The following RYR2 variants were observed in gnomAD, a reference collection of about 807,000 sequenced individuals.
RYR2 encodes cardiac muscle ryanodine receptor-calcium release channel.
In RYR2, 227 loss-of-function variants were observed where a neutral mutation model predicts 601.1. The observed-to-expected ratio is 0.38, with a 90% confidence interval of 0.34 to 0.42. The LOEUF (loss-of-function observed/expected upper bound fraction) is 0.42. RYR2 is among the 10% of genes least tolerant of loss of function. The pLI is 1.00. For missense variants in RYR2, 4,646 were observed against 6,156.5 expected, an observed-to-expected ratio of 0.75 and a Z score of 8.21; for synonymous variants, 2,223 against 2,175.1, an observed-to-expected ratio of 1.02 and a Z score of -0.61.
At chr1:237,299,994 C>T (rs1693193278) in intron 2 of RYR2, among the ~76,000 whole-genome samples, 1 of 152,188 alleles carries the variant, frequency 6.6e-6, no homozygotes, top group Non-Finnish European at 1.5e-5. Context: ...ATTCATGAAT[C>T]TCATGTGACA....
intron 24 of RYR2, among the ~76,000 whole-genome samples, chr1:237,530,037 C>T (rs1450717208): frequency 2.0e-5 from 3 of 152,040 alleles, no homozygotes; most frequent in East Asian, 3.9e-4. Context: ...TCTGACTGGG[C>T]GCGGTGGCTC....
Position 237,674,022 on chromosome 1 carries a change from A to C in RYR2, c.8591-74A>C. On this transcript the variant is annotated intron_variant, in intron 58 of 104. Transcript: ENST00000366574. ...TATGGAAAGTTTTATAGTGTGGTCC[A>C]ATTATATATCTGTGTCTCATCTCAG... The C allele has an allele frequency of 6.5e-6, 8 of 1,225,098 alleles. No homozygotes were observed. The South Asian group carries it at 9.6e-5, about 15-fold the overall frequency. The allele number at this position is 1,225,098 out of a possible 1,614,324, so 75.9% of individuals were successfully genotyped here.
intron 17 of RYR2, among the ~76,000 whole-genome samples, chr1:237,480,208 C>T (rs1661880860): frequency 6.6e-6 from 1 of 151,760 alleles, no homozygotes; most frequent in South Asian, 2.1e-4. Flanking sequence ...CAGTTGGGGT[C>T]AGGAGTTTGA....
At chr1:237,270,221 C>T in intron 1 of RYR2, 2 of 554,302 alleles carry the variant, frequency 3.6e-6, no homozygotes, top group East Asian at 3.9e-5. Context: ...GTTCAGGTTG[C>T]CTCTGGGGAT....
At chr1:237,269,598 C>G (rs891580391) in intron 1 of RYR2, among the ~76,000 whole-genome samples, 2 of 152,180 alleles carry the variant, frequency 1.3e-5, no homozygotes, top group East Asian at 3.9e-4. Flanking sequence ...TTTTTAGGCC[C>G]TTGCCACGTA....
rs185019553 is a variant in RYR2 at position 237,056,324 on chromosome 1, C to T, written c.48+13755C>T. On this transcript the variant is annotated intron_variant, in intron 1 of 104. Coordinates refer to ENST00000366574, the MANE Select transcript of RYR2 (RefSeq NM_001035.3). ...CACTGCACCTGTGAGGACTGGAGCACTGCACCTATGAGGACTGGAGCCCTG... is the reference window on the plus strand; with the variant it reads ...CACTGCACCTGTGAGGACTGGAGCATTGCACCTATGAGGACTGGAGCCCTG... Among the ~76,000 whole-genome samples the T allele has an allele frequency of 2.1e-3, 297 of 144,598 alleles. 2 individuals are homozygous for T. The highest frequency in any genetic ancestry group is 0.017 in the South Asian group (73 of 4,412). The allele number at this position is 144,598 out of a possible 152,430, so 94.9% of individuals were successfully genotyped here. A position where few individuals can be genotyped will look rare whatever the true frequency, so the allele number is the denominator to read the frequency against.
rs1262027939 is a variant in RYR2 at position 237,795,369 on chromosome 1, C to T, written c.13956+38C>T. On this transcript the variant is annotated intron_variant, in intron 96 of 104. Transcript: ENST00000366574. The stretch of plus-strand genomic sequence containing the variant: ...GGAATCCTCTACATTTTTCTTAAAG[C>T]ACAGTTTAGATTTTTATTTGATGTG... 5.6e-6 allele frequency: 6 copies of T among 1,076,414 alleles called. No individual in the cohort carries two copies. In the East Asian group the frequency reaches 1.1e-4, roughly 20 times the overall value. 66.7% of individuals were successfully genotyped at this position (1,076,414 alleles called of 1,614,324 possible). A position where few individuals can be genotyped will look rare whatever the true frequency, so the allele number is the denominator to read the frequency against.
At chr1:237,571,456 A>T (rs1672689281) in intron 29 of RYR2, among the ~76,000 whole-genome samples, 1 of 151,914 alleles carries the variant, frequency 6.6e-6, no homozygotes. Context: ...CTGGGATTAC[A>T]GGGGTGTGCC....
chr1:237,722,846 C>A lies in RYR2; in HGVS notation c.10555-282C>A, dbSNP rs2090876. On this transcript the variant is annotated intron_variant, in intron 73 of 104. Coordinates refer to ENST00000366574, the MANE Select transcript of RYR2 (RefSeq NM_001035.3). ...GTCAGACAAATTAGCATATCTATCT[C>A]CTCGCATAGTTACCTTTTGCCTGTA... 0.2 allele frequency among the ~76,000 whole-genome samples: 31,097 copies of A among 152,010 alleles called. 3,968 individuals are homozygous for A. The highest frequency in any genetic ancestry group is 0.65 in the East Asian group (3,362 of 5,148).
intron 100 of RYR2, among the ~76,000 whole-genome samples, chr1:237,816,114 C>A (rs548491235): frequency 2.6e-5 from 4 of 152,192 alleles, no homozygotes; most frequent in African/African-American, 9.6e-5. Flanking sequence ...GGGAACTGCA[C>A]AATCCACTGT....
At chr1:237,307,380 T>A (rs1693979991) in intron 2 of RYR2, among the ~76,000 whole-genome samples, 1 of 152,238 alleles carries the variant, frequency 6.6e-6, no homozygotes, top group South Asian at 2.1e-4. Context: ...TGCTCAGTTG[T>A]GAATTCACAG....
intron 1 of RYR2, among the ~76,000 whole-genome samples, chr1:237,162,249 G>A (rs1676093282): frequency 6.6e-6 from 1 of 152,142 alleles, no homozygotes; most frequent in Non-Finnish European, 1.5e-5. Flanking sequence ...TACTGTTTAT[G>A]TGGATTATGT....
chr1:237,122,487 G>T (rs1670902372), intron 1 of RYR2, among the ~76,000 whole-genome samples: 1 of 152,136 alleles, frequency 6.6e-6, no homozygotes, highest in Non-Finnish European at 1.5e-5. Context: ...TTTGAGACCA[G>T]CCTGGCCAAC....
intron 17 of RYR2, among the ~76,000 whole-genome samples, chr1:237,475,149 A>G (rs1661260532): frequency 6.6e-6 from 1 of 152,198 alleles, no homozygotes; most frequent in Admixed American, 6.5e-5. Context: ...AGATGAAGGG[A>G]CTAAGGCTCA....
intron 10 of RYR2, among the ~76,000 whole-genome samples, chr1:237,410,355 A>G (rs1462939830): frequency 6.6e-6 from 1 of 152,196 alleles, no homozygotes; most frequent in Non-Finnish European, 1.5e-5. Flanking sequence ...AGATTTAGAA[A>G]TGTTATTCAA....
At chr1:237,184,443 CGG>C (rs141660107) in intron 1 of RYR2, among the ~76,000 whole-genome samples, 3,562 of 152,220 alleles carry the variant, frequency 0.023, 114 homozygotes, top group African/African-American at 0.072. Context: ...AACTACTTTT[CGG>C]GAGCCATAAA....
chr1:237,454,983 T>C (rs919081546), intron 15 of RYR2, among the ~76,000 whole-genome samples: 4 of 152,112 alleles, frequency 2.6e-5, no homozygotes, highest in African/African-American at 7.2e-5. Flanking sequence ...CCAGGATCTA[T>C]AGGAAGCTTC....
chr1:237,566,588 G>T lies in RYR2; in HGVS notation c.3236G>T (p.Ser1079Ile). The change falls in exon 28 of 105, where the codon AGC (serine) becomes ATC (isoleucine). Residue 1079 changes from serine (S) to isoleucine (I), a missense_variant. This residue lies in a region of RYR2 where 1,807 missense variants were observed against 2,088.1 expected (regional missense o/e 0.87). Coordinates refer to ENST00000366574, the MANE Select transcript of RYR2 (RefSeq NM_001035.3). ...QDHAARAEVC[S>I]GTGERFRIFR... is the part of the protein sequence containing the mutation. ...CCAGCAGCCAGAGCCGAAGTGTGCA[G>T]CGGCACCGGGGAAAGGTTCCGAATC... The T allele has an allele frequency of 6.2e-7, 1 of 1,613,968 alleles. No homozygotes were observed. Among genetic ancestry groups the T allele is most frequent in the Non-Finnish European group, 8.5e-7 (1 of 1,179,862 alleles).
chr1:237,394,651 A>G (rs1054510040), intron 10 of RYR2, among the ~76,000 whole-genome samples: 4 of 152,214 alleles, frequency 2.6e-5, no homozygotes, highest in African/African-American at 7.2e-5. Flanking sequence ...CTGCTTTTCA[A>G]TCACCTCAAC....
Sources: gnomAD v4.1 joint callset for allele counts (sites outside exome capture counted in the v4.1 genomes callset) on GRCh38, gnomAD v4.1.1 for gene constraint, gnomAD v4.1.1 regional missense constraint, MANE v1.5 for transcripts, NCBI Gene and HGNC (gene_info 2026-07-23, HGNC 2026-07-21) for gene names.